HIF3A: variants seen among roughly 807,000 people sequenced by gnomAD.
HIF3A encodes the protein hypoxia-inducible factor 3-alpha.
HIF3A carries 41 observed loss-of-function variants against 67.2 expected under a neutral mutation model. The ratio of observed to expected loss-of-function variants is 0.61; its 90% CI spans 0.48 to 0.79. The LOEUF (loss-of-function observed/expected upper bound fraction) is 0.79, where lower values mean the gene tolerates loss of function less well. Among genes scored for constraint, HIF3A ranks in the 30% least tolerant of loss-of-function variants. HIF3A has a pLI of 0.00. For synonymous variants in HIF3A, 356 were observed against 374.8 expected (o/e 0.95, Z 0.58); for missense variants, 855 against 898.0 (o/e 0.95, Z 0.61).
intron 10 of HIF3A, among the ~76,000 whole-genome samples, chr19:46,323,344 C>G (rs1351214559): frequency 6.6e-6 from 1 of 152,002 alleles, no homozygotes; most frequent in South Asian, 2.1e-4. Context: ...CCACCGCGCC[C>G]GGCCTCTGGG....
At chr19:46,320,401 A>T (rs1382322605) in intron 8 of HIF3A, 42 bp from the exon 9 acceptor site, 1 of 1,504,270 alleles carries the variant, frequency 6.6e-7, no homozygotes, top group East Asian at 2.3e-5. Context: ...GGAGCCAAGG[A>T]CCCTCCCTGA....
At chr19:46,328,775 G>A (rs1176389939) in intron 11 of HIF3A, among the ~76,000 whole-genome samples, 6 of 151,870 alleles carry the variant, frequency 4.0e-5, no homozygotes, top group Admixed American at 3.9e-4. Context: ...AGGCTGGACT[G>A]CGATGGTGTG....
At position 46,313,052 on chromosome 19, in the gene HIF3A, C is replaced by T. The variant is rs928108719; in HGVS notation, c.1025+399C>T. On this transcript the variant is annotated intron_variant, in intron 8 of 14. Transcript: ENST00000377670. ...ATTGCCTGAGCTCAGGAGTTCGAAA[C>T]CAGCCTGGGCAACATGACGAAATGC... is the stretch of plus-strand genomic sequence containing the variant. 3.2e-5 allele frequency: 28 copies of T among 885,152 alleles called. No individual in the cohort carries two copies. In the South Asian group the frequency reaches 1.4e-3, roughly 44 times the overall value. The allele number at this position is 885,152 out of a possible 1,614,324, so 54.8% of individuals were successfully genotyped here.
chr19:46,323,826 C>T (rs1012540602), intron 10 of HIF3A, among the ~76,000 whole-genome samples: 1 of 152,152 alleles, frequency 6.6e-6, no homozygotes, highest in African/African-American at 2.4e-5. Flanking sequence ...CTTATAAAAC[C>T]ATCAGCTCTC....
chr19:46,303,853 T>A, intron 1 of HIF3A, 45 bp from the exon 2 acceptor site: 1 of 1,581,506 alleles, frequency 6.3e-7, no homozygotes. Flanking sequence ...GTCCTCCTTT[T>A]CTCTTTCCCG....
At chr19:46,312,804 G>A in intron 8 of HIF3A, 151 bp downstream of exon 8, 1 of 1,372,110 alleles carries the variant, frequency 7.3e-7, no homozygotes, top group Non-Finnish European at 9.4e-7. Context: ...ACACATATGA[G>A]GAATGTGTGT....
chr19:46,312,635 G>T lies in HIF3A; in HGVS notation c.1007G>T (p.Cys336Phe). 6.4e-7 allele frequency: 1 copy of T among 1,563,676 alleles called. No individual in the cohort carries two copies. Among genetic ancestry groups the T allele is most frequent in the Admixed American group, 1.9e-5 (1 of 52,500 alleles). ...GGCCCCCAGTCGGAGAGTATCGTCT[G>T]TGTCCATTTTTTAATCAGGTAAGCA... ...GRGPQSESIV[C>F]VHFLISQVEE... The change falls in exon 8 of 15, where the codon TGT (cysteine) becomes TTT (phenylalanine). Residue 336 changes from cysteine (C) to phenylalanine (F), a missense_variant. Physicochemically the swap from Cys to Phe is radical, Grantham distance 205. Coordinates refer to ENST00000377670, the MANE Select transcript of HIF3A (RefSeq NM_152795.4).
intron 6 of HIF3A, among the ~76,000 whole-genome samples, chr19:46,311,536 T>G (rs1969421578): frequency 6.6e-6 from 1 of 152,190 alleles, no homozygotes; most frequent in Non-Finnish European, 1.5e-5. Context: ...CTGCTAGAGC[T>G]GGGCCCACCT....
Position 46,297,355 on chromosome 19 carries a change from G to A in HIF3A, c.26+253G>A, listed in dbSNP as rs1350121143. Among the ~76,000 whole-genome samples, 1 of 152,142 alleles carries A rather than the reference G, an allele frequency of 6.6e-6. No homozygotes were observed. The highest frequency in any genetic ancestry group is 2.4e-5 in the African/African-American group (1 of 41,426). On this transcript the variant is annotated intron_variant, in intron 1 of 14. Transcript: ENST00000377670. The surrounding 1 kb of genome is among the most constrained non-coding windows in gnomAD (Gnocchi z 4.5). The stretch of plus-strand genomic sequence containing the variant: ...GGGTTCCCGATTTCTCGCTACCCAA[G>A]GCTCATTTACCCTCCTGGTTGGGGG...
Position 46,303,808 on chromosome 19 carries a change from C to T in HIF3A, c.27-90C>T, listed in dbSNP as rs532948502. 3.8e-5 allele frequency: 58 copies of T among 1,516,370 alleles called. No homozygotes were observed. In the African/African-American group the frequency reaches 7.3e-4, roughly 19 times the overall value. 93.9% of individuals were successfully genotyped at this position (1,516,370 alleles called of 1,614,324 possible). A position where few individuals can be genotyped will look rare whatever the true frequency, so the allele number is the denominator to read the frequency against. On this transcript the variant is annotated intron_variant, in intron 1 of 14. Transcript: ENST00000377670. ...CCGCGGCCCAGCACTCCACGAGCCC[C>T]GGCCCCACGTGGCAGCTCCCCACGT...
chr19:46,329,652 AG>A (rs1453900020), intron 12 of HIF3A, among the ~76,000 whole-genome samples, 174 bp downstream of exon 12: 4 of 152,110 alleles, frequency 2.6e-5, no homozygotes, highest in African/African-American at 9.7e-5. Flanking sequence ...GCCTTTGCCT[AG>A]GCTGTACACC....
chr19:46,304,326 G>A, intron 2 of HIF3A: 1 of 577,024 alleles, frequency 1.7e-6, no homozygotes, highest in Non-Finnish European at 3.1e-6. Flanking sequence ...CACTTGTGAG[G>A]CCCCGCCCCT....
In HIF3A at chr19:46,339,510, C is replaced by T. The variant is rs769471655; in HGVS notation, c.1913-15C>T. The T allele has an allele frequency of 2.7e-6, 4 of 1,505,406 alleles. No homozygotes were observed. In the South Asian group the frequency reaches 5.1e-5, roughly 19 times the overall value. The allele number at this position is 1,505,406 out of a possible 1,614,324, so 93.3% of individuals were successfully genotyped here. On this transcript the variant is annotated splice_polypyrimidine_tract_variant and intron_variant, in intron 14 of 14. Coordinates refer to ENST00000377670, the MANE Select transcript of HIF3A (RefSeq NM_152795.4). ...CTTTTACCTTTCATTTATCATTTAT[C>T]TTTCATCTTTGCAGGCCTGGGCCCC...
chr19:46,312,592 G>T lies in HIF3A; in HGVS notation c.964G>T (p.Val322Leu). ...GYLWTQTQAT[V>L]VSGGRGPQSE... The stretch of plus-strand genomic sequence containing the variant: ...CCTGTGGACCCAGACCCAGGCCACA[G>T]TGGTGTCAGGGGGACGGGGCCCCCA... The change falls in exon 8 of 15, where the codon GTG (valine) becomes TTG (leucine). Residue 322 changes from valine to leucine, a missense_variant. Around this residue, in one of 3 missense-constraint regions of HIF3A, gnomAD observed 638 missense variants for 660.5 expected, o/e 0.97. Transcript: ENST00000377670. 6.2e-7 allele frequency: 1 copy of T among 1,607,684 alleles called. No individual in the cohort carries two copies. The highest frequency in any genetic ancestry group is 8.5e-7 in the Non-Finnish European group (1 of 1,176,896).
chr19:46,312,350 C>T (rs776096601), intron 7 of HIF3A, 83 bp downstream of exon 7: 7 of 1,611,476 alleles, frequency 4.3e-6, no homozygotes, highest in Non-Finnish European at 5.9e-6. Flanking sequence ...TCCCCATACC[C>T]CAGGATGCAC....
At chr19:46,317,843 T>C (rs985618681) in intron 8 of HIF3A, among the ~76,000 whole-genome samples, 2 of 152,268 alleles carry the variant, frequency 1.3e-5, no homozygotes, top group African/African-American at 4.8e-5. Flanking sequence ...ATCTTTTTTT[T>C]TTCTTCTTTT....
chr19:46,340,780 C>A lies in HIF3A; in HGVS notation c.*1158C>A. The A allele has an allele frequency of 6.6e-6, 1 of 152,494 alleles. No individual in the cohort carries two copies. Among genetic ancestry groups the A allele is most frequent in the East Asian group, 1.9e-4 (1 of 5,192 alleles). 9.4% of individuals were successfully genotyped at this position (152,494 alleles called of 1,614,324 possible). A position where few individuals can be genotyped will look rare whatever the true frequency, so the allele number is the denominator to read the frequency against. On this transcript the variant is annotated 3_prime_UTR_variant, in exon 15 of 15. Coordinates refer to ENST00000377670, the MANE Select transcript of HIF3A (RefSeq NM_152795.4). ...CCTTCCAAAGTGCTGGGATTACAGG[C>A]GTGAGCCACTGCACCCGGCTAGAAC...
chr19:46,329,786 C>A (rs930757897), intron 12 of HIF3A, among the ~76,000 whole-genome samples: 3 of 151,916 alleles, frequency 2.0e-5, no homozygotes, highest in African/African-American at 7.3e-5. Flanking sequence ...GTTTAGAAGA[C>A]ATTGCCGTGT....
At chr19:46,315,154 C>A (rs2147194179) in intron 8 of HIF3A, among the ~76,000 whole-genome samples, 1 of 146,730 alleles carries the variant, frequency 6.8e-6, no homozygotes, top group East Asian at 2.3e-4. Context: ...ACAGCCTCCG[C>A]CTCTGAGGTT....
Sources: gnomAD v4.1 joint callset for allele counts (sites outside exome capture counted in the v4.1 genomes callset) on GRCh38, gnomAD v4.1.1 for gene constraint, gnomAD v4.1.1 regional missense constraint, Gnocchi (gnomAD v3.1) non-coding constraint, MANE v1.5 for transcripts, NCBI Gene and HGNC (gene_info 2026-07-23, HGNC 2026-07-21) for gene names.